Variants in BTBD8 observed in about 807,000 individuals in gnomAD.
The protein encoded by BTBD8 is BTB/POZ domain-containing protein 8.
BTBD8 carries 110 observed loss-of-function variants against 162.9 expected under a neutral mutation model. The ratio of observed to expected loss-of-function variants is 0.68; its 90% CI spans 0.58 to 0.79. BTBD8 has a LOEUF of 0.79. BTBD8 is among the 30% of genes least tolerant of loss of function. BTBD8 has a pLI of 0.00. For synonymous variants in BTBD8, 667 were observed against 716.1 expected, an observed-to-expected ratio of 0.93 and a Z score of 1.10; for missense variants, 1,905 against 2,085.4, an observed-to-expected ratio of 0.91 and a Z score of 1.68.
chr1:92,085,286 A>G (rs1648128234), intron 1 of BTBD8, among the ~76,000 whole-genome samples: 1 of 152,128 alleles, frequency 6.6e-6, no homozygotes, highest in African/African-American at 2.4e-5. Context: ...TCCTCTCAAA[A>G]CTCATGTTGA....
chr1:92,087,946 GATTAT>G (rs541566199), intron 1 of BTBD8, among the ~76,000 whole-genome samples: 326 of 152,300 alleles, frequency 2.1e-3, no homozygotes, highest in African/African-American at 7.6e-3. Flanking sequence ...AGAGGCAAAA[GATTAT>G]ATTATGACAT....
chr1:92,123,445 C>T (rs1030919913), intron 4 of BTBD8, among the ~76,000 whole-genome samples: 3 of 152,140 alleles, frequency 2.0e-5, no homozygotes, highest in Admixed American at 2.0e-4. Context: ...GTCATATTAA[C>T]AGTTTCAAGT....
At chr1:92,167,382 C>T (rs1283106143) in intron 10 of BTBD8, among the ~76,000 whole-genome samples, 1 of 152,166 alleles carries the variant, frequency 6.6e-6, no homozygotes, top group African/African-American at 2.4e-5. Context: ...TAATTCTGGC[C>T]AACTCTAGCC....
At chr1:92,172,243 A>G (rs1431244861) in intron 13 of BTBD8, among the ~76,000 whole-genome samples, 2 of 152,192 alleles carry the variant, frequency 1.3e-5, no homozygotes, top group Non-Finnish European at 2.9e-5. Flanking sequence ...AGAAGGTAGT[A>G]TTGTGGTTGC....
chr1:92,126,645 G>A (rs1649368461), intron 4 of BTBD8, among the ~76,000 whole-genome samples: 1 of 152,170 alleles, frequency 6.6e-6, no homozygotes, highest in South Asian at 2.1e-4. Flanking sequence ...TTAAATGCTT[G>A]TACACAATTA....
At chr1:92,131,237 G>A (rs1357203923) in intron 5 of BTBD8, among the ~76,000 whole-genome samples, 1 of 152,124 alleles carries the variant, frequency 6.6e-6, no homozygotes, top group Non-Finnish European at 1.5e-5. Context: ...AGTGTATAAA[G>A]AGAAATTAAA....
At chr1:92,136,514 C>T (rs942897273) in intron 5 of BTBD8, among the ~76,000 whole-genome samples, 5 of 152,000 alleles carry the variant, frequency 3.3e-5, no homozygotes, top group African/African-American at 7.3e-5. Context: ...CCCAGTATTA[C>T]GTGGGGAAAG....
intron 2 of BTBD8, among the ~76,000 whole-genome samples, chr1:92,096,681 G>C (rs1317510871): frequency 6.6e-6 from 1 of 151,892 alleles, no homozygotes; most frequent in East Asian, 1.9e-4. Flanking sequence ...GGGACTACAG[G>C]TGCATGCCAC....
chr1:92,131,732 A>AAC (rs1001833995), intron 5 of BTBD8, among the ~76,000 whole-genome samples: 1 of 151,970 alleles, frequency 6.6e-6, no homozygotes, highest in African/African-American at 2.4e-5. Context: ...TCAAAAAAAA[A>AAC]AAAAAAACCA....
chr1:92,177,116 A>G lies in BTBD8; in HGVS notation c.1923A>G (p.Lys641=). 1.4e-5 allele frequency: 21 copies of G among 1,551,740 alleles called. No individual in the cohort carries two copies. Among genetic ancestry groups the G allele is most frequent in the Non-Finnish European group, 1.7e-5 (20 of 1,147,002 alleles). The change falls in exon 14 of 18, where the codon AAA becomes AAG. Residue 641 remains lysine, a synonymous_variant. Coordinates refer to ENST00000636805, the MANE Select transcript of BTBD8 (RefSeq NM_001376131.1). ...SGKPKTVTKS[K]TENGDKARLE... ...AGCCCAAAACTGTAACAAAATCCAA[A>G]ACAGAAAATGGTGATAAGGCACGGT...
chr1:92,123,776 CAA>C (rs529220915), intron 4 of BTBD8, among the ~76,000 whole-genome samples: 2 of 84,484 alleles, frequency 2.4e-5, no homozygotes, highest in Non-Finnish European at 2.2e-5. Flanking sequence ...GACTCCGTCT[CAA>C]AAAAAAAAAA....
chr1:92,145,389 G>T (rs1317915913), intron 7 of BTBD8, among the ~76,000 whole-genome samples: 4 of 152,176 alleles, frequency 2.6e-5, no homozygotes, highest in African/African-American at 9.7e-5. Context: ...CTATGCTGGA[G>T]ACATTTCCAA....
chr1:92,177,486 T>C lies in BTBD8; in HGVS notation c.2293T>C (p.Cys765Arg). 1 of 1,551,460 alleles carries C rather than the reference T, an allele frequency of 6.4e-7. No homozygotes were observed. The highest frequency in any genetic ancestry group is 8.7e-7 in the Non-Finnish European group (1 of 1,146,976). ...EKPSGHKLSF[C>R]DSPGQMMKNS... ...GCCTTCTGGACATAAACTATCCTTT[T>C]GTGATTCTCCAGGACAGATGATGAA... Residue 765 changes from cysteine to arginine, a missense_variant, in exon 14 of 18, where the codon TGT (cysteine) becomes CGT (arginine). By Grantham distance (180) the Cys-to-Arg change is radical. Transcript: ENST00000636805.
intron 15 of BTBD8, 131 bp from the exon 16 acceptor site, chr1:92,178,181 A>C: frequency 1.4e-6 from 1 of 728,444 alleles, no homozygotes; most frequent in South Asian, 2.1e-5. Context: ...ACTTATGAGC[A>C]TATGATTTTT....
At chr1:92,152,891 G>T (rs1201535308) in intron 9 of BTBD8, among the ~76,000 whole-genome samples, 1 of 152,108 alleles carries the variant, frequency 6.6e-6, no homozygotes, top group Admixed American at 6.5e-5. Context: ...ATGGGGATTA[G>T]TCTCAAAATT....
intron 2 of BTBD8, among the ~76,000 whole-genome samples, chr1:92,094,584 C>T (rs1337990577): frequency 6.6e-6 from 1 of 152,138 alleles, no homozygotes. Flanking sequence ...GTACTTTGTG[C>T]ACTTGAGTTA....
chr1:92,177,267 A>G lies in BTBD8; in HGVS notation c.2074A>G (p.Arg692Gly), dbSNP rs1650745229. 1 of 1,552,038 alleles carries G rather than the reference A, an allele frequency of 6.4e-7. No individual in the cohort carries two copies. The highest frequency in any genetic ancestry group is 1.4e-5 in the African/African-American group (1 of 73,064). ...RNQEGQISGA[R>G]PKVLTGNLNV... ...TCAGGAAGGGCAAATTTCAGGTGCC[A>G]GACCCAAGGTACTCACAGGAAACTT... The change falls in exon 14 of 18, where the codon AGA becomes GGA. Residue 692 changes from arginine to glycine, a missense_variant. Arg to Gly is a moderately radical substitution (Grantham distance 125, BLOSUM62 -2). Coordinates refer to ENST00000636805, the MANE Select transcript of BTBD8 (RefSeq NM_001376131.1).
intron 7 of BTBD8, among the ~76,000 whole-genome samples, chr1:92,142,068 C>T (rs1175450782): frequency 6.6e-6 from 1 of 152,184 alleles, no homozygotes; most frequent in Non-Finnish European, 1.5e-5. Context: ...AAGCCATAAA[C>T]AACTGGGTCT....
intron 4 of BTBD8, among the ~76,000 whole-genome samples, chr1:92,118,806 T>TC (rs1053203524): frequency 1.4e-5 from 2 of 145,846 alleles, no homozygotes; most frequent in Non-Finnish European, 3.0e-5. Context: ...TTTCTTTCTT[T>TC]TTTTTTTTTT....
Sources: gnomAD v4.1 joint callset for allele counts (sites outside exome capture counted in the v4.1 genomes callset) on GRCh38, gnomAD v4.1.1 for gene constraint, MANE v1.5 for transcripts, NCBI Gene and HGNC (gene_info 2026-07-23, HGNC 2026-07-21) for gene names.